Variants in NRXN3 observed in about 807,000 individuals in gnomAD.
NRXN3 encodes neurexin 3.
In NRXN3, 32 loss-of-function variants were observed where a neutral mutation model predicts 137.6. The observed-to-expected ratio is 0.23, with a 90% CI of 0.18 to 0.31. NRXN3 has a LOEUF of 0.31. Ranked by LOEUF, NRXN3 falls within the 10% of genes least tolerant of loss-of-function variation. The probability of loss-of-function intolerance (pLI) is 1.00; values close to 1 mark genes in which losing one functional copy is unlikely to be tolerated. For missense variants in NRXN3, 1,574 were observed against 2,062.5 expected (o/e 0.76, Z 4.59); for synonymous variants, 798 against 784.5 (o/e 1.02, Z -0.29).
chr14:78,666,873 C>G (rs906057835), intron 6 of NRXN3, among the ~76,000 whole-genome samples: 1 of 152,198 alleles, frequency 6.6e-6, no homozygotes, highest in Non-Finnish European at 1.5e-5. Context: ...GCCTCCCACT[C>G]AAGGCCTTCT....
At chr14:78,200,730 C>T (rs1412471537) in intron 1 of NRXN3, among the ~76,000 whole-genome samples, 1 of 152,112 alleles carries the variant, frequency 6.6e-6, no homozygotes, top group African/African-American at 2.4e-5. Flanking sequence ...TGGATTAAAT[C>T]AGATTAATCA....
chr14:79,732,788 A>G (rs2098928668), intron 19 of NRXN3, among the ~76,000 whole-genome samples: 1 of 152,160 alleles, frequency 6.6e-6, no homozygotes. Context: ...TAGGAACAAA[A>G]AAACTTAAGA....
At position 79,386,703 on chromosome 14, in the gene NRXN3, ACTACAAGG is replaced by A. The variant is rs1418245695; in HGVS notation, c.3263-80512_3263-80505del. ...ATCACACTACCTGACTTCAAACTAT[ACTACAAGG>A]CTACAGTAACCAAAACAGCATGGTA... On this transcript the variant is annotated intron_variant, in intron 15 of 20. Coordinates refer to ENST00000335750, the MANE Select transcript of NRXN3 (RefSeq NM_001330195.2). 3.9e-5 allele frequency among the ~76,000 whole-genome samples: 6 copies of A among 152,290 alleles called. No individual in the cohort carries two copies. In the East Asian group the frequency reaches 1.2e-3, roughly 29 times the overall value.
At chr14:79,668,764 C>T (rs1322397216) in intron 17 of NRXN3, among the ~76,000 whole-genome samples, 1 of 151,978 alleles carries the variant, frequency 6.6e-6, no homozygotes, top group Admixed American at 6.6e-5. Flanking sequence ...ATGACTTTTA[C>T]CCCCTGGATG....
At chr14:78,344,925 C>T (rs1165422289) in intron 4 of NRXN3, among the ~76,000 whole-genome samples, 1 of 152,184 alleles carries the variant, frequency 6.6e-6, no homozygotes, top group African/African-American at 2.4e-5. Context: ...GTGAGAGCCA[C>T]TGCACTAACA....
At chr14:78,957,500 C>T in intron 11 of NRXN3, 139 bp downstream of exon 11, 2 of 1,002,462 alleles carry the variant, frequency 2.0e-6, no homozygotes, top group Non-Finnish European at 2.9e-6. Context: ...CAAACTCAGG[C>T]AAGGCTAAGA....
chr14:79,040,664 C>T (rs1395818134), intron 15 of NRXN3, among the ~76,000 whole-genome samples: 1 of 152,090 alleles, frequency 6.6e-6, no homozygotes, highest in African/African-American at 2.4e-5. Context: ...AGAAAGAAAG[C>T]TTTCCACCAC....
intron 1 of NRXN3, among the ~76,000 whole-genome samples, chr14:78,179,570 T>A (rs908975453): frequency 6.6e-6 from 1 of 151,520 alleles, no homozygotes; most frequent in African/African-American, 2.4e-5. Flanking sequence ...CCCAGGAGGG[T>A]CGGAAGGGAA....
chr14:78,838,827 C>A (rs556155047), intron 10 of NRXN3, among the ~76,000 whole-genome samples: 5 of 152,172 alleles, frequency 3.3e-5, no homozygotes, highest in Admixed American at 3.3e-4. Context: ...TTCTTTCTGG[C>A]CAAGAGCTGT....
chr14:79,861,349 T>C lies in NRXN3; in HGVS notation c.4101T>C (p.Ser1367=), dbSNP rs1403060063. ...FVECEPSTDK[S]LSTSIFEGGY... is the part of the protein sequence containing the mutation. ...CCTTCTCCTTGGTAACAGATAAGAG[T>C]CTTTCCACTTCAATCTTCGAAGGTG... Residue 1367 remains serine (S), a synonymous_variant, in exon 21 of 21, where the codon AGT becomes AGC. Coordinates refer to ENST00000335750, the MANE Select transcript of NRXN3 (RefSeq NM_001330195.2). This position sits in a 1 kb window ranked among gnomAD's most constrained non-coding sequence, Gnocchi z 5.4. 6.5e-7 allele frequency: 1 copy of C among 1,535,910 alleles called. No homozygotes were observed. Among genetic ancestry groups the C allele is most frequent in the Non-Finnish European group, 8.7e-7 (1 of 1,146,870 alleles).
At chr14:79,790,237 C>T (rs2099140874) in intron 19 of NRXN3, among the ~76,000 whole-genome samples, 1 of 152,086 alleles carries the variant, frequency 6.6e-6, no homozygotes, top group Non-Finnish European at 1.5e-5. Flanking sequence ...AAGAAGCTTT[C>T]ACTCATGGTG....
chr14:78,731,022 C>T lies in NRXN3; in HGVS notation c.2044+15883C>T, dbSNP rs143372317. Among the ~76,000 whole-genome samples the T allele has an allele frequency of 5.9e-3, 906 of 152,276 alleles. 13 individuals carry two copies. The highest frequency in any genetic ancestry group is 0.021 in the African/African-American group (868 of 41,548). On this transcript the variant is annotated intron_variant, in intron 8 of 20. Coordinates refer to ENST00000335750, the MANE Select transcript of NRXN3 (RefSeq NM_001330195.2). ...CCTCCCTTCAGATATCTCACTTTCTCACCTTTCTTTCACCTTCCTTCTTTT... is the reference window on the plus strand; with the variant it reads ...CCTCCCTTCAGATATCTCACTTTCTTACCTTTCTTTCACCTTCCTTCTTTT...
At chr14:78,998,090 G>A (rs2099533711) in intron 15 of NRXN3, among the ~76,000 whole-genome samples, 1 of 152,142 alleles carries the variant, frequency 6.6e-6, no homozygotes, top group Non-Finnish European at 1.5e-5. Context: ...AAATCTCACA[G>A]TTTATCTTCT....
At position 78,220,432 on chromosome 14, in the gene NRXN3, G is replaced by C. The variant is rs115092821; in HGVS notation, c.-703-21959G>C. On this transcript the variant is annotated intron_variant, in intron 1 of 20. Transcript: ENST00000335750. ...CAGGAAGGCCTGGGAGGTGGGAACT[G>C]AGAAGAAGCTCTGGTTTGGTATTTT... Among the ~76,000 whole-genome samples, 471 of 152,294 alleles carry C rather than the reference G, an allele frequency of 3.1e-3. 1 individual carries two copies. Among genetic ancestry groups the C allele is most frequent in the African/African-American group, 0.011 (455 of 41,560 alleles).
At chr14:79,231,727 C>T (rs140821580) in intron 15 of NRXN3, among the ~76,000 whole-genome samples, 2,275 of 152,224 alleles carry the variant, frequency 0.015, 35 homozygotes, top group Non-Finnish European at 0.022. Flanking sequence ...TCACTTATTA[C>T]CAGTTGTTTA....
intron 15 of NRXN3, among the ~76,000 whole-genome samples, chr14:79,315,407 A>C (rs1369642279): frequency 6.6e-6 from 1 of 152,204 alleles, no homozygotes; most frequent in Admixed American, 6.5e-5. Context: ...ATCCTATTCG[A>C]AAAAAGAAAA....
chr14:78,226,005 G>T (rs1234978423), intron 1 of NRXN3, among the ~76,000 whole-genome samples: 1 of 150,642 alleles, frequency 6.6e-6, no homozygotes, highest in East Asian at 2.0e-4. Flanking sequence ...GTGTGTGTGT[G>T]TGTGTGTGTG....
At chr14:79,542,182 A>G (rs953568966) in intron 16 of NRXN3, among the ~76,000 whole-genome samples, 1 of 152,178 alleles carries the variant, frequency 6.6e-6, no homozygotes, top group Non-Finnish European at 1.5e-5. Context: ...TGAGATTGGT[A>G]TTCTGTGACA....
At chr14:79,172,925 A>G (rs1310380584) in intron 15 of NRXN3, among the ~76,000 whole-genome samples, 1 of 152,236 alleles carries the variant, frequency 6.6e-6, no homozygotes, top group African/African-American at 2.4e-5. Flanking sequence ...CCCAGCATAC[A>G]TGGAAATTTA....
Sources: gnomAD v4.1 joint callset for allele counts (sites outside exome capture counted in the v4.1 genomes callset) on GRCh38, gnomAD v4.1.1 for gene constraint, Gnocchi (gnomAD v3.1) non-coding constraint, MANE v1.5 for transcripts, NCBI Gene and HGNC (gene_info 2026-07-23, HGNC 2026-07-21) for gene names.